ANKFN1: variants seen among roughly 807,000 people sequenced by gnomAD.
The protein encoded by ANKFN1 is ankyrin repeat and fibronectin type-III domain-containing protein 1.
Under a neutral mutation model 108.7 loss-of-function variants are expected in ANKFN1, and 74 were observed. The ratio of observed to expected loss-of-function variants is 0.68; its 90% confidence interval spans 0.56 to 0.83. ANKFN1 has a LOEUF of 0.83. Ranked by LOEUF, ANKFN1 falls within the 40% of genes least tolerant of loss-of-function variation. The probability of loss-of-function intolerance (pLI) is 0.00; values close to 1 mark genes in which losing one functional copy is unlikely to be tolerated. For synonymous variants in ANKFN1, 547 were observed against 516.2 expected, an observed-to-expected ratio of 1.06 and a Z score of -0.81; for missense variants, 1,505 against 1,382.3, an observed-to-expected ratio of 1.09 and a Z score of -1.41.
At chr17:56,345,738 TG>T (rs1469721335) in intron 4 of ANKFN1, among the ~76,000 whole-genome samples, 8 of 152,202 alleles carry the variant, frequency 5.3e-5, no homozygotes, top group African/African-American at 1.9e-4. Flanking sequence ...TTGATGGGGT[TG>T]TTTTTTTCTT....
At chr17:56,065,210 C>T (rs1905041704) in intron 4 of ANKFN1, among the ~76,000 whole-genome samples, 1 of 152,220 alleles carries the variant, frequency 6.6e-6, no homozygotes, top group Non-Finnish European at 1.5e-5. Context: ...TCCATCTTTT[C>T]TCCTGAAGCT....
At chr17:56,215,623 A>T (rs762336661) in intron 2 of ANKFN1, among the ~76,000 whole-genome samples, 13 of 152,210 alleles carry the variant, frequency 8.5e-5, no homozygotes, top group Non-Finnish European at 1.9e-4. Flanking sequence ...CATGTAGATG[A>T]AGGAATCAGA....
intron 8 of ANKFN1, among the ~76,000 whole-genome samples, chr17:56,378,047 C>T (rs563375444): frequency 8.5e-5 from 13 of 152,234 alleles, no homozygotes; most frequent in Admixed American, 4.6e-4. Flanking sequence ...TTTGTAATAG[C>T]AAATTGTTTA....
intron 8 of ANKFN1, among the ~76,000 whole-genome samples, chr17:56,375,843 A>G (rs1043438288): frequency 3.3e-5 from 5 of 152,188 alleles, no homozygotes. Context: ...AATCCTCACA[A>G]TGATCTCATG....
At chr17:56,457,430 A>G in intron 13 of ANKFN1, 41 bp downstream of exon 13, 1 of 1,534,370 alleles carries the variant, frequency 6.5e-7, no homozygotes, top group South Asian at 1.3e-5. Context: ...ACTTTGTACC[A>G]ATGTTACTGC....
At chr17:56,505,144 G>T (rs1426206094) in intron 20 of ANKFN1, among the ~76,000 whole-genome samples, 2 of 152,084 alleles carry the variant, frequency 1.3e-5, no homozygotes, top group Non-Finnish European at 2.9e-5. Flanking sequence ...CTATATTTGG[G>T]CTGGCTCTTC....
intron 20 of ANKFN1, among the ~76,000 whole-genome samples, chr17:56,506,341 T>C (rs2051564757): frequency 6.6e-6 from 1 of 151,920 alleles, no homozygotes; most frequent in South Asian, 2.1e-4. Context: ...ATTATATGGG[T>C]GGATCCTACA....
At chr17:56,472,048 A>G (rs893341825) in intron 15 of ANKFN1, 5 of 152,232 alleles carry the variant, frequency 3.3e-5, no homozygotes, top group African/African-American at 1.2e-4. Flanking sequence ...TATATGAGTT[A>G]TAACTCAATT....
At chr17:56,141,782 A>G (rs1907931534) in intron 4 of ANKFN1, among the ~76,000 whole-genome samples, 1 of 152,140 alleles carries the variant, frequency 6.6e-6, no homozygotes. Context: ...CAGAACAATC[A>G]GTGTGGGGGT....
chr17:56,120,517 C>A (rs1002102117), intron 4 of ANKFN1, among the ~76,000 whole-genome samples: 1 of 152,104 alleles, frequency 6.6e-6, no homozygotes, highest in Non-Finnish European at 1.5e-5. Context: ...ATATGCCATG[C>A]CTAATGGAAG....
chr17:56,274,948 C>T (rs1408096434), intron 3 of ANKFN1, among the ~76,000 whole-genome samples: 1 of 152,166 alleles, frequency 6.6e-6, no homozygotes, highest in African/African-American at 2.4e-5. Flanking sequence ...GCTTCAGTTT[C>T]CTCATCTGTA....
chr17:56,398,078 C>G (rs2047641575), intron 8 of ANKFN1, among the ~76,000 whole-genome samples: 1 of 152,108 alleles, frequency 6.6e-6, no homozygotes, highest in South Asian at 2.1e-4. Flanking sequence ...CTCTCACAGT[C>G]CTTTTCCCAC....
chr17:56,087,377 G>A (rs1028861203), intron 4 of ANKFN1, among the ~76,000 whole-genome samples: 1 of 151,384 alleles, frequency 6.6e-6, no homozygotes, highest in East Asian at 1.9e-4. Context: ...ACCTTGGAAA[G>A]CACGTGTGGA....
At chr17:56,078,062 G>A (rs775218542) in intron 4 of ANKFN1, among the ~76,000 whole-genome samples, 4 of 151,982 alleles carry the variant, frequency 2.6e-5, no homozygotes, top group African/African-American at 7.2e-5. Context: ...TTGTTGTAGC[G>A]GGCAGTAAAT....
chr17:56,382,537 A>C (rs1488669130), intron 8 of ANKFN1, among the ~76,000 whole-genome samples: 1 of 152,206 alleles, frequency 6.6e-6, no homozygotes, highest in Non-Finnish European at 1.5e-5. Context: ...AGACTGGCAA[A>C]TGGATAAAGA....
chr17:56,306,455 C>T lies in ANKFN1; in HGVS notation c.54-19766C>T, dbSNP rs187760791. Among the ~76,000 whole-genome samples the T allele has an allele frequency of 1.6e-4, 24 of 152,308 alleles. No homozygotes were observed. In the East Asian group the frequency reaches 4.4e-3, roughly 28 times the overall value. On this transcript the variant is annotated intron_variant, in intron 3 of 20. Transcript: ENST00000682825. ...ATAACAGACAAACAGAGAGCCAAAT[C>T]ATGAGTGAACTCCCACTCGCAATTG... is the stretch of plus-strand genomic sequence containing the variant.
chr17:56,249,251 T>G (rs1312106714), intron 3 of ANKFN1, among the ~76,000 whole-genome samples: 1 of 152,022 alleles, frequency 6.6e-6, no homozygotes, highest in Non-Finnish European at 1.5e-5. Flanking sequence ...CCTGGCAACA[T>G]GGTGAAACTT....
chr17:56,133,620 T>C (rs1167956630), intron 4 of ANKFN1, among the ~76,000 whole-genome samples: 1 of 143,580 alleles, frequency 7.0e-6, no homozygotes, highest in Admixed American at 6.9e-5. Flanking sequence ...TTTTGGACTT[T>C]CTGGGCTACA....
intron 3 of ANKFN1, among the ~76,000 whole-genome samples, chr17:56,271,647 G>A (rs1031268077): frequency 2.6e-5 from 4 of 152,196 alleles, no homozygotes; most frequent in Non-Finnish European, 5.9e-5. Flanking sequence ...TGACCAGGAA[G>A]GGCAGGGGAT....
Sources: allele counts gnomAD v4.1 joint callset (sites outside exome capture counted in the v4.1 genomes callset), GRCh38; gene constraint gnomAD v4.1.1; transcripts MANE v1.5; gene names NCBI Gene and HGNC (gene_info 2026-07-23, HGNC 2026-07-21).